RAB6B: variants seen among roughly 807,000 people sequenced by gnomAD.
RAB6B encodes the protein RAB6B, member RAS oncogene family.
Under a neutral mutation model 31.2 loss-of-function variants are expected in RAB6B, and 7 were observed. That is an observed-to-expected ratio of 0.22 (90% CI 0.13 to 0.42). RAB6B has a LOEUF of 0.42. Among genes scored for constraint, RAB6B ranks in the 10% least tolerant of loss-of-function variants. RAB6B has a pLI of 1.00. For synonymous variants in RAB6B, 105 were observed against 104.9 expected (o/e 1.00, Z -0.01); for missense variants, 149 against 280.6 (o/e 0.53, Z 3.35).
At chr3:133,885,719 G>A in intron 1 of RAB6B, 1 of 669,432 alleles carries the variant, frequency 1.5e-6, no homozygotes, top group African/African-American at 1.8e-5. Flanking sequence ...TGGTCCATCT[G>A]CGTACAGTGT....
intron 2 of RAB6B, among the ~76,000 whole-genome samples, chr3:133,850,640 T>C (rs1054766030): frequency 9.9e-5 from 15 of 151,682 alleles, no homozygotes; most frequent in African/African-American, 3.4e-4. Flanking sequence ...GAAAAAAAAT[T>C]GAGAAAAATT....
chr3:133,887,448 G>T (rs999253374), intron 1 of RAB6B, among the ~76,000 whole-genome samples: 1 of 152,166 alleles, frequency 6.6e-6, no homozygotes, highest in African/African-American at 2.4e-5. Context: ...ACAGTTCTGG[G>T]GGCAACAGTC....
At chr3:133,849,017 TA>T (rs1423829694) in intron 2 of RAB6B, among the ~76,000 whole-genome samples, 1 of 152,214 alleles carries the variant, frequency 6.6e-6, no homozygotes, top group Admixed American at 6.5e-5. Flanking sequence ...GCCTCCACTT[TA>T]TATTTTAGAA....
In RAB6B at chr3:133,827,743, A is replaced by ACCACC. The variant is rs1559896896; in HGVS notation, c.*1044_*1045insGGTGG. The ACCACC allele has an allele frequency of 1.9e-5, 4 of 213,272 alleles. No individual in the cohort carries two copies. Among genetic ancestry groups the ACCACC allele is most frequent in the South Asian group, 3.0e-5 (1 of 33,752 alleles). 13.2% of individuals were successfully genotyped at this position (213,272 alleles called of 1,614,324 possible). On this transcript the variant is annotated 3_prime_UTR_variant, in exon 8 of 8. Transcript: ENST00000285208. ...CTTTCAAGGTGGTGGTTCTGCAGAC[A>ACCACC]ACACCCCCCCCCCCCCCCGCCTCCC...
chr3:133,832,735 G>C (rs776608328), intron 7 of RAB6B, among the ~76,000 whole-genome samples: 5 of 152,226 alleles, frequency 3.3e-5, no homozygotes, highest in African/African-American at 1.2e-4. Flanking sequence ...GAAAGGATGG[G>C]GGTACATCTA....
intron 2 of RAB6B, among the ~76,000 whole-genome samples, 154 bp from the exon 3 acceptor site, chr3:133,841,817 A>T (rs962760538): frequency 3.3e-5 from 5 of 152,184 alleles, no homozygotes; most frequent in African/African-American, 1.2e-4. Flanking sequence ...CCTCCCTGCT[A>T]CCACTCAGCG....
At chr3:133,864,688 T>C (rs1936210993) in intron 1 of RAB6B, 46 bp from the exon 2 acceptor site, 2 of 1,543,592 alleles carry the variant, frequency 1.3e-6, no homozygotes, top group Admixed American at 1.7e-5. Context: ...GCATCTGAGC[T>C]AGGCTCTTCT....
intron 2 of RAB6B, among the ~76,000 whole-genome samples, chr3:133,848,158 TCTG>T (rs1221448232): frequency 2.6e-5 from 4 of 152,340 alleles, no homozygotes; most frequent in East Asian, 1.9e-4. Flanking sequence ...CAAACCTGCT[TCTG>T]CTATTTTTCC....
chr3:133,864,693 T>A, intron 1 of RAB6B, 51 bp from the exon 2 acceptor site: 1 of 1,512,462 alleles, frequency 6.6e-7, no homozygotes, highest in African/African-American at 1.4e-5. Context: ...TGAGCTAGGC[T>A]CTTCTAAACA....
At chr3:133,841,515 G>C in intron 3 of RAB6B, 95 bp downstream of exon 3, 2 of 1,537,214 alleles carry the variant, frequency 1.3e-6, no homozygotes, top group Non-Finnish European at 1.8e-6. Flanking sequence ...CCCTAGTGTC[G>C]GCAGGTGCTC....
intron 6 of RAB6B, 43 bp downstream of exon 6, chr3:133,838,123 G>A (rs1196050340): frequency 4.2e-5 from 12 of 283,332 alleles, no homozygotes; most frequent in East Asian, 2.7e-4. Flanking sequence ...GGGCTACACC[G>A]TGCCGGGCCC....
intron 6 of RAB6B, among the ~76,000 whole-genome samples, chr3:133,835,685 C>T (rs1333466490): frequency 6.6e-6 from 1 of 152,018 alleles, no homozygotes; most frequent in Non-Finnish European, 1.5e-5. Flanking sequence ...TCCAATGTGA[C>T]AGTATAAAGA....
chr3:133,885,688 G>A (rs997936748), intron 1 of RAB6B: 9 of 697,110 alleles, frequency 1.3e-5, no homozygotes, highest in Non-Finnish European at 2.4e-5. Flanking sequence ...GATGGACAGG[G>A]GAGCTTAAAG....
At chr3:133,865,339 G>T (rs116727919) in intron 1 of RAB6B, among the ~76,000 whole-genome samples, 14 of 152,212 alleles carry the variant, frequency 9.2e-5, no homozygotes, top group Admixed American at 7.8e-4. Flanking sequence ...AGAACAACTG[G>T]AACAGCTGAG....
intron 1 of RAB6B, among the ~76,000 whole-genome samples, chr3:133,893,032 T>G (rs1197873824): frequency 6.6e-6 from 1 of 152,164 alleles, no homozygotes; most frequent in Non-Finnish European, 1.5e-5. Flanking sequence ...TGGGACTCCC[T>G]GACAGAAGGC....
At chr3:133,828,876 G>A in intron 7 of RAB6B, 24 bp from the exon 8 acceptor site, 1 of 1,589,058 alleles carries the variant, frequency 6.3e-7, no homozygotes, top group Non-Finnish European at 8.6e-7. Flanking sequence ...GGCTAAGGAA[G>A]ATGACTCTCC....
chr3:133,838,345 A>G (rs1935772970), intron 5 of RAB6B, 86 bp from the exon 6 acceptor site: 3 of 1,260,818 alleles, frequency 2.4e-6, no homozygotes, highest in Non-Finnish European at 3.5e-6. Flanking sequence ...AGCAGGGCAG[A>G]GGGAGCCCAC....
In RAB6B at chr3:133,848,230, C is replaced by G. The variant is rs564337639; in HGVS notation, c.130-6567G>C. Among the ~76,000 whole-genome samples the G allele has an allele frequency of 8.7e-4, 133 of 152,336 alleles. 1 individual carries two copies. The highest frequency in any genetic ancestry group is 3.1e-3 in the African/African-American group (127 of 41,578). On this transcript the variant is annotated intron_variant, in intron 2 of 7. Transcript: ENST00000285208. ...GCCCACGCCTCTGGAAGCCTGAAAGCCCTCCTGAGTTGCTCCTCTTCACTT... is the reference window on the plus strand; with the variant it reads ...GCCCACGCCTCTGGAAGCCTGAAAGGCCTCCTGAGTTGCTCCTCTTCACTT...
At chr3:133,871,534 T>C (rs1205887846) in intron 1 of RAB6B, among the ~76,000 whole-genome samples, 2 of 152,258 alleles carry the variant, frequency 1.3e-5, no homozygotes, top group Admixed American at 1.3e-4. Flanking sequence ...CCAGTGGCTA[T>C]GAGGACTTCT....
Sources: allele counts gnomAD v4.1 joint callset (sites outside exome capture counted in the v4.1 genomes callset), GRCh38; gene constraint gnomAD v4.1.1; transcripts MANE v1.5; gene names NCBI Gene and HGNC (gene_info 2026-07-23, HGNC 2026-07-21).